SPTBN1: variants seen among roughly 807,000 people sequenced by gnomAD.
SPTBN1 encodes the protein spectrin beta, non-erythrocytic 1.
In SPTBN1, 32 loss-of-function variants were observed where a neutral mutation model predicts 266.4. The observed-to-expected ratio is 0.12, with a 90% CI of 0.09 to 0.16. The LOEUF (loss-of-function observed/expected upper bound fraction) is 0.16, where lower values mean the gene tolerates loss of function less well. Among genes scored for constraint, SPTBN1 ranks in the 10% least tolerant of loss-of-function variants. SPTBN1 has a pLI of 1.00. For missense variants in SPTBN1, 2,296 were observed against 3,067.1 expected, an observed-to-expected ratio of 0.75 and a Z score of 5.94; for synonymous variants, 1,336 against 1,162.2, an observed-to-expected ratio of 1.15 and a Z score of -3.04.
intron 2 of SPTBN1, among the ~76,000 whole-genome samples, chr2:54,569,795 T>G (rs1211556129): frequency 2.0e-5 from 3 of 152,192 alleles, no homozygotes; most frequent in Non-Finnish European, 4.4e-5. Context: ...TAATAAGGGC[T>G]CATAGGATTA....
intron 2 of SPTBN1, among the ~76,000 whole-genome samples, chr2:54,547,330 T>C (rs892699462): frequency 2.0e-5 from 3 of 152,234 alleles, no homozygotes; most frequent in Non-Finnish European, 4.4e-5. Context: ...TTCAATTATA[T>C]GTATATGCCA....
intron 1 of SPTBN1, among the ~76,000 whole-genome samples, chr2:54,500,279 T>C (rs573447750): frequency 1.3e-5 from 2 of 152,350 alleles, no homozygotes; most frequent in African/African-American, 4.8e-5. Context: ...AACAAAATTT[T>C]AGAGATGAAT....
At chr2:54,597,335 G>A (rs1303910754) in intron 2 of SPTBN1, among the ~76,000 whole-genome samples, 2 of 152,186 alleles carry the variant, frequency 1.3e-5, no homozygotes, top group Non-Finnish European at 2.9e-5. Context: ...CAATGATTAC[G>A]TGATCAATAA....
At position 54,645,411 on chromosome 2, in the gene SPTBN1, C is replaced by T; in HGVS notation, c.4452C>T (p.Ser1484=). The T allele has an allele frequency of 6.2e-7, 1 of 1,614,150 alleles. No homozygotes were observed. The highest frequency in any genetic ancestry group is 8.5e-7 in the Non-Finnish European group (1 of 1,180,012). The change falls in exon 21 of 36, where the codon TCC becomes TCT. Residue 1484 remains serine (S), a synonymous_variant. Coordinates refer to ENST00000356805, the MANE Select transcript of SPTBN1 (RefSeq NM_003128.3). The surrounding 1 kb of genome is among the most constrained non-coding windows in gnomAD (Gnocchi z 4.3). ...LNERKHNLLA[S]KEIHQFNRDV... is the part of the protein sequence containing the mutation. ...AGAGGAAGCATAACCTGCTGGCCTC[C>T]AAAGAGATCCATCAGTTCAACAGGG...
rs1681652451 is a variant in SPTBN1 at position 54,670,578 on chromosome 2, G to C, written c.*2009G>C. On this transcript the variant is annotated 3_prime_UTR_variant, in exon 36 of 36. Coordinates refer to ENST00000356805, the MANE Select transcript of SPTBN1 (RefSeq NM_003128.3). Reference sequence around the variant, plus strand: ...GAATCAAGTTGTTCTATTCTCAACAGACCAAAATGTTTAGTTAAGGCAAAG... The same window carrying C: ...GAATCAAGTTGTTCTATTCTCAACACACCAAAATGTTTAGTTAAGGCAAAG... The C allele has an allele frequency of 5.0e-6, 2 of 397,842 alleles. No individual in the cohort carries two copies. Among genetic ancestry groups the C allele is most frequent in the Non-Finnish European group, 8.9e-6 (2 of 225,838 alleles). The allele number at this position is 397,842 out of a possible 1,614,324, so 24.6% of individuals were successfully genotyped here.
Position 54,664,272 on chromosome 2 carries a change from C to T in SPTBN1, c.6421-181C>T. 1.6e-6 allele frequency: 1 copy of T among 639,572 alleles called. No individual in the cohort carries two copies. The highest frequency in any genetic ancestry group is 2.7e-6 in the Non-Finnish European group (1 of 366,008). The allele number at this position is 639,572 out of a possible 1,614,324, so 39.6% of individuals were successfully genotyped here. On this transcript the variant is annotated intron_variant, in intron 32 of 35. Transcript: ENST00000356805. The surrounding 1 kb of genome is among the most constrained non-coding windows in gnomAD (Gnocchi z 5.6). ...CCCTGTAAATGGGCGGGTATTAATC[C>T]ATTCCCACCTTCTAATGTCCTTGAT... is the stretch of plus-strand genomic sequence containing the variant.
chr2:54,650,992 G>A (rs1680242779), intron 26 of SPTBN1, among the ~76,000 whole-genome samples: 1 of 152,242 alleles, frequency 6.6e-6, no homozygotes, highest in African/African-American at 2.4e-5. Context: ...CACTATGATG[G>A]CAAGTTTAAT....
Position 54,646,023 on chromosome 2 carries a change from C to T in SPTBN1, c.4584+6C>T, listed in dbSNP as rs372327394. 3.5e-5 allele frequency: 57 copies of T among 1,614,062 alleles called. 1 individual carries two copies. In the African/African-American group the frequency reaches 6.5e-4, roughly 19 times the overall value. On this transcript the variant is annotated splice_donor_region_variant and intron_variant, in intron 22 of 35. Transcript: ENST00000356805. The surrounding 1 kb of genome is among the most constrained non-coding windows in gnomAD (Gnocchi z 4.4). ...TGTTAATAAAGAAAAATCAGGTAAG[C>T]CTTTCTGCTCGAGCTAGTTCTGTCT...
At chr2:54,573,775 T>C (rs909865293) in intron 2 of SPTBN1, among the ~76,000 whole-genome samples, 1 of 152,230 alleles carries the variant, frequency 6.6e-6, no homozygotes, top group African/African-American at 2.4e-5. Flanking sequence ...TGCGGCTCTT[T>C]GCTCAGGCAC....
chr2:54,528,938 G>A (rs986831079), intron 2 of SPTBN1, among the ~76,000 whole-genome samples: 1 of 152,196 alleles, frequency 6.6e-6, no homozygotes. Context: ...TTGGAGGAAG[G>A]TAATGAAGGA....
At chr2:54,620,013 T>G (rs1677888407) in intron 7 of SPTBN1, among the ~76,000 whole-genome samples, 3 of 152,238 alleles carry the variant, frequency 2.0e-5, no homozygotes, top group Admixed American at 2.0e-4. Context: ...TCCTTTGTGT[T>G]CTCTTCACAA....
intron 3 of SPTBN1, among the ~76,000 whole-genome samples, chr2:54,606,478 A>T (rs1202756474): frequency 6.6e-6 from 1 of 152,200 alleles, no homozygotes; most frequent in East Asian, 1.9e-4. Flanking sequence ...ACAAGAAATG[A>T]GAAGAAAAGG....
intron 1 of SPTBN1, among the ~76,000 whole-genome samples, chr2:54,524,978 T>A (rs1670713277): frequency 6.6e-6 from 1 of 152,228 alleles, no homozygotes; most frequent in African/African-American, 2.4e-5. Context: ...ATCTTGCCTT[T>A]TCTTGTGTGC....
At chr2:54,463,826 A>T (rs1693493658) in intron 1 of SPTBN1, among the ~76,000 whole-genome samples, 2 of 152,222 alleles carry the variant, frequency 1.3e-5, no homozygotes, top group African/African-American at 4.8e-5. Context: ...CCTATACATC[A>T]TGTCAAAATA....
At chr2:54,639,155 C>G (rs928685425) in intron 18 of SPTBN1, among the ~76,000 whole-genome samples, 2 of 152,238 alleles carry the variant, frequency 1.3e-5, no homozygotes, top group Non-Finnish European at 2.9e-5. Context: ...GAGTAGGATA[C>G]TCACTTACAG....
At chr2:54,529,288 TAA>T (rs1415236046) in intron 2 of SPTBN1, 4 of 471,244 alleles carry the variant, frequency 8.5e-6, no homozygotes, top group African/African-American at 8.0e-5. Context: ...TAGGAAGAAA[TAA>T]AGTTTCAAAC....
chr2:54,632,475 GTGT>G (rs1678816569), intron 16 of SPTBN1, 88 bp from the exon 17 acceptor site: 1 of 1,271,942 alleles, frequency 7.9e-7, no homozygotes, highest in Admixed American at 1.9e-5. Flanking sequence ...AATGAAGAAA[GTGT>G]TGTGAACTAT....
intron 2 of SPTBN1, among the ~76,000 whole-genome samples, chr2:54,555,907 G>A (rs1354485665): frequency 1.3e-5 from 2 of 152,144 alleles, no homozygotes; most frequent in Non-Finnish European, 2.9e-5. Flanking sequence ...TTCTCCAAAA[G>A]GCAGATGTGT....
At chr2:54,604,295 C>A (rs1676692114) in intron 3 of SPTBN1, among the ~76,000 whole-genome samples, 1 of 152,300 alleles carries the variant, frequency 6.6e-6, no homozygotes, top group South Asian at 2.1e-4. Flanking sequence ...CAGAAACCTT[C>A]CCTTATATCT....
Sources: gnomAD v4.1 joint callset for allele counts (sites outside exome capture counted in the v4.1 genomes callset) on GRCh38, gnomAD v4.1.1 for gene constraint, Gnocchi (gnomAD v3.1) non-coding constraint, MANE v1.5 for transcripts, NCBI Gene and HGNC (gene_info 2026-07-23, HGNC 2026-07-21) for gene names.